DNAH1: variants seen among roughly 807,000 people sequenced by gnomAD.
DNAH1 encodes axonemal beta dynein heavy chain 1.
DNAH1 carries 327 observed loss-of-function variants against 484.3 expected under a neutral mutation model. That is an observed-to-expected ratio of 0.68 (90% CI 0.62 to 0.74). DNAH1 has a LOEUF of 0.74. DNAH1 is among the 30% of genes least tolerant of loss of function. The probability of loss-of-function intolerance (pLI) is 0.00; values close to 1 mark genes in which losing one functional copy is unlikely to be tolerated. For synonymous variants in DNAH1, 2,192 were observed against 2,191.9 expected (o/e 1.00, Z 0.00); for missense variants, 5,052 against 5,546.8 (o/e 0.91, Z 2.83).
chr3:52,394,755 C>G (rs934376848), intron 67 of DNAH1, 94 bp downstream of exon 67: 3 of 1,489,290 alleles, frequency 2.0e-6, no homozygotes, highest in African/African-American at 2.8e-5. Flanking sequence ...AGGGGCCACC[C>G]AGGGTTGCCC....
intron 8 of DNAH1, among the ~76,000 whole-genome samples, chr3:52,341,259 C>T (rs1701928304): frequency 6.6e-6 from 1 of 152,134 alleles, no homozygotes; most frequent in Admixed American, 6.5e-5. Context: ...GAGATGGCAG[C>T]AGCAGTTTCA....
Position 52,331,183 on chromosome 3 carries a change from T to C in DNAH1, c.907T>C (p.Cys303Arg), listed in dbSNP as rs918896087. 6.2e-7 allele frequency: 1 copy of C among 1,603,364 alleles called. No individual in the cohort carries two copies. The highest frequency in any genetic ancestry group is 1.7e-5 in the Admixed American group (1 of 58,302). The change falls in exon 7 of 78, where the codon TGC becomes CGC. Residue 303 changes from cysteine (C) to arginine (R), a missense_variant. This residue lies in a region of DNAH1 where 1,263 missense variants were observed against 1,218.8 expected (regional missense o/e 1.04). Transcript: ENST00000420323. ...PKSQKLKYKW[C>R]EVGVLDYDEE... ...GAGTCAGAAGCTGAAGTACAAATGG[T>C]GCGAGGTCGGCGTCCTGGACTACGA... is the stretch of plus-strand genomic sequence containing the variant.
intron 4 of DNAH1, 21 bp from the exon 5 acceptor site, chr3:52,326,714 C>A: frequency 6.4e-7 from 1 of 1,561,586 alleles, no homozygotes; most frequent in South Asian, 1.2e-5. Context: ...ATCCTGAGGT[C>A]CCCTCCCTGC....
intron 44 of DNAH1, chr3:52,374,905 C>T (rs1703516035): frequency 2.1e-6 from 2 of 947,180 alleles, no homozygotes; most frequent in East Asian, 2.5e-5. Context: ...ACGAGAGTGA[C>T]ATGAAAACGT....
At position 52,368,441 on chromosome 3, in the gene DNAH1, C is replaced by A. The variant is rs1441813334; in HGVS notation, c.5766-300C>A. Among the ~76,000 whole-genome samples, 1 of 152,150 alleles carries A rather than the reference C, an allele frequency of 6.6e-6. No homozygotes were observed. Among genetic ancestry groups the A allele is most frequent in the Non-Finnish European group, 1.5e-5 (1 of 68,038 alleles). On this transcript the variant is annotated intron_variant, in intron 36 of 77. Coordinates refer to ENST00000420323, the MANE Select transcript of DNAH1 (RefSeq NM_015512.5). The surrounding 1 kb of genome is among the most constrained non-coding windows in gnomAD (Gnocchi z 4.4). ...TCATTTACCCTCCTCCATCCTTGTC[C>A]ATTGTCTTCCAGAGCTGCACTTCCT... is the stretch of plus-strand genomic sequence containing the variant.
intron 1 of DNAH1, among the ~76,000 whole-genome samples, chr3:52,317,558 A>T (rs1700992597): frequency 6.6e-6 from 1 of 152,224 alleles, no homozygotes; most frequent in South Asian, 2.1e-4. Flanking sequence ...TATGTATTTA[A>T]ATCAGGATTT....
Position 52,399,749 on chromosome 3 carries a change from T to C in DNAH1, c.12646T>C (p.Cys4216Arg). 1 of 1,613,974 alleles carries C rather than the reference T, an allele frequency of 6.2e-7. No individual in the cohort carries two copies. Among genetic ancestry groups the C allele is most frequent in the Non-Finnish European group, 8.5e-7 (1 of 1,179,878 alleles). Residue 4216 changes from cysteine to arginine, a missense_variant, in exon 77 of 78, where the codon TGC (cysteine) becomes CGC (arginine). By Grantham distance (180) the Cys-to-Arg change is radical. Around this residue, in one of 4 missense-constraint regions of DNAH1, gnomAD observed 853 missense variants for 899.0 expected, o/e 0.95. Coordinates refer to ENST00000420323, the MANE Select transcript of DNAH1 (RefSeq NM_015512.5). ...RKAQDQDFYL[C>R]PIYKTLTRAG... is the part of the protein sequence containing the mutation. Reference sequence around the variant, plus strand: ...GGCCCAGGACCAGGACTTTTACCTGTGCCCCATCTACAAGACACTGACTCG... The same window carrying C: ...GGCCCAGGACCAGGACTTTTACCTGCGCCCCATCTACAAGACACTGACTCG...
chr3:52,348,928 T>A lies in DNAH1; in HGVS notation c.2147T>A (p.Leu716Gln). 2 of 1,613,396 alleles carry A rather than the reference T, an allele frequency of 1.2e-6. No individual in the cohort carries two copies. The highest frequency in any genetic ancestry group is 1.7e-6 in the Non-Finnish European group (2 of 1,179,860). The change falls in exon 13 of 78, where the codon CTG (leucine) becomes CAG (glutamine). Residue 716 changes from leucine to glutamine, a missense_variant. Leu to Gln is a moderately radical substitution (Grantham distance 113). Coordinates refer to ENST00000420323, the MANE Select transcript of DNAH1 (RefSeq NM_015512.5). ...EDIFISGDPL[L>Q]ESVGLHEPLV... ...ATCTTCATCAGCGGTGACCCCCTGC[T>A]GGAGTCCGTGGGCCTTCATGAGCCA... is the stretch of plus-strand genomic sequence containing the variant.
At chr3:52,360,721 A>C (rs1578140884) in intron 28 of DNAH1, among the ~76,000 whole-genome samples, 1 of 152,166 alleles carries the variant, frequency 6.6e-6, no homozygotes, top group African/African-American at 2.4e-5. Context: ...GCACTCAGTG[A>C]GCATCTAATG....
In DNAH1 at chr3:52,391,587, TTCACCCTG is replaced by T; in HGVS notation, c.10039_10046del (p.Thr3347AlafsTer31). On this transcript the variant is annotated frameshift_variant, in exon 63 of 78. Transcript: ENST00000420323. LOFTEE classifies it high-confidence loss of function. ...CTCCACCAAACTCACCCTCATCAAC[TTCACCCTG>T]TCGCCCAGGTGAGCCCCCACTCTTG... The T allele has an allele frequency of 6.2e-7, 1 of 1,613,610 alleles. No homozygotes were observed. The highest frequency in any genetic ancestry group is 8.5e-7 in the Non-Finnish European group (1 of 1,179,790).
chr3:52,382,491 G>T (rs373646624), intron 50 of DNAH1, 36 bp downstream of exon 50: 162 of 1,610,074 alleles, frequency 1.0e-4, no homozygotes, highest in South Asian at 2.0e-4. Flanking sequence ...GGCTCGGGGG[G>T]GCTGGACACA....
chr3:52,353,332 C>T lies in DNAH1; in HGVS notation c.3226+31C>T. 6.2e-7 allele frequency: 1 copy of T among 1,608,888 alleles called. No homozygotes were observed. The highest frequency in any genetic ancestry group is 8.5e-7 in the Non-Finnish European group (1 of 1,176,262). ...GAGCCAAGCCGGCCAATCCCCTCCT[C>T]CCTGCCTCTGCCGCCTGCCTCTCAT... On this transcript the variant is annotated intron_variant, in intron 19 of 77. Coordinates refer to ENST00000420323, the MANE Select transcript of DNAH1 (RefSeq NM_015512.5). This position sits in a 1 kb window ranked among gnomAD's most constrained non-coding sequence, Gnocchi z 5.0.
At chr3:52,394,233 C>A (rs1386300092) in intron 66 of DNAH1, among the ~76,000 whole-genome samples, 1 of 152,204 alleles carries the variant, frequency 6.6e-6, no homozygotes, top group Non-Finnish European at 1.5e-5. Context: ...ATTCTTTCTA[C>A]TCCCAAATGA....
Position 52,359,860 on chromosome 3 carries a change from G to A in DNAH1, c.4408-56G>A, listed in dbSNP as rs1300771399. 4 of 1,601,078 alleles carry A rather than the reference G, an allele frequency of 2.5e-6. No individual in the cohort carries two copies. The Admixed American group carries it at 6.7e-5, about 27-fold the overall frequency. On this transcript the variant is annotated intron_variant, in intron 26 of 77. Transcript: ENST00000420323. ...CAGAAGCCCACCCTCTGTGAAAGGGGAGGGTGAGCCTCCTCGTGGTACCCT... is the reference window on the plus strand; with the variant it reads ...CAGAAGCCCACCCTCTGTGAAAGGGAAGGGTGAGCCTCCTCGTGGTACCCT...
intron 1 of DNAH1, among the ~76,000 whole-genome samples, chr3:52,320,282 C>T (rs918857854): frequency 2.0e-5 from 3 of 152,224 alleles, no homozygotes; most frequent in Non-Finnish European, 4.4e-5. Context: ...GACAGGTGGG[C>T]CAGACTCGGC....
chr3:52,400,423 C>T lies in DNAH1; in HGVS notation c.12775C>T (p.Leu4259Phe). 6.2e-7 allele frequency: 1 copy of T among 1,614,060 alleles called. No individual in the cohort carries two copies. Among genetic ancestry groups the T allele is most frequent in the Non-Finnish European group, 8.5e-7 (1 of 1,179,894 alleles). The change falls in exon 78 of 78, where the codon CTC becomes TTC. Residue 4259 changes from leucine (L) to phenylalanine (F), a missense_variant. By Grantham distance (22) the Leu-to-Phe change is conservative. Transcript: ENST00000420323. ...ACACTGGATAAAGCGTGGTGTGGCC[C>T]TCATCTGTGCCCTGGACTACTAGAC... ...QRHWIKRGVA[L>F]ICALDY
In DNAH1 at chr3:52,399,543, A is replaced by G; in HGVS notation, c.12442-2A>G. On this transcript the variant is annotated splice_acceptor_variant, in intron 76 of 77. Coordinates refer to ENST00000420323, the MANE Select transcript of DNAH1 (RefSeq NM_015512.5). LOFTEE classifies it high-confidence loss of function. ...GTGGGGTGTGTCTGTGTCTACCCACAGGTGATGTTTGAGGCACCATCAGAG... is the reference window on the plus strand; with the variant it reads ...GTGGGGTGTGTCTGTGTCTACCCACGGGTGATGTTTGAGGCACCATCAGAG... 1 of 1,605,070 alleles carries G rather than the reference A, an allele frequency of 6.2e-7. No individual in the cohort carries two copies. Among genetic ancestry groups the G allele is most frequent in the Middle Eastern group, 1.7e-4 (1 of 6,016 alleles).
intron 8 of DNAH1, 27 bp downstream of exon 8, chr3:52,332,421 T>G (rs1339100343): frequency 6.2e-7 from 1 of 1,604,004 alleles, no homozygotes; most frequent in Admixed American, 1.7e-5. Context: ...CCTTCCCTAT[T>G]CTGGGCATCA....
chr3:52,365,914 C>G (rs1392039494), intron 34 of DNAH1, among the ~76,000 whole-genome samples: 2 of 152,346 alleles, frequency 1.3e-5, no homozygotes, highest in East Asian at 3.9e-4. Context: ...CTTTGCCGTC[C>G]CTGGCTAATT....
Sources: allele counts gnomAD v4.1 joint callset (sites outside exome capture counted in the v4.1 genomes callset), GRCh38; gene constraint gnomAD v4.1.1; regional missense constraint gnomAD v4.1.1; non-coding constraint Gnocchi (gnomAD v3.1); transcripts MANE v1.5; gene names NCBI Gene and HGNC (gene_info 2026-07-23, HGNC 2026-07-21).